TAOK1: variants seen among roughly 807,000 people sequenced by gnomAD.
TAOK1 encodes the protein TAO kinase 1, also known as serine/threonine-protein kinase TAO1.
In TAOK1, 21 loss-of-function variants were observed where a neutral mutation model predicts 138.3. The ratio of observed to expected loss-of-function variants is 0.15; its 90% CI spans 0.11 to 0.22. The LOEUF is 0.22. Among genes scored for constraint, TAOK1 ranks in the 10% least tolerant of loss-of-function variants. The pLI, the probability that TAOK1 is intolerant of heterozygous loss-of-function variation, is 1.00. For synonymous variants in TAOK1, 361 were observed against 398.4 expected (o/e 0.91, Z 1.12); for missense variants, 651 against 1,227.7 (o/e 0.53, Z 7.02).
At chr17:29,418,636 C>T (rs1468986730) in intron 1 of TAOK1, among the ~76,000 whole-genome samples, 1 of 152,182 alleles carries the variant, frequency 6.6e-6, no homozygotes, top group African/African-American at 2.4e-5. Flanking sequence ...CTACATACAT[C>T]TTCCTGTATA....
At position 29,399,056 on chromosome 17, in the gene TAOK1, G is replaced by T. The variant is rs569527277; in HGVS notation, c.-95+8032G>T. ...GACTGGAGTGCAGTGGCACGATCTC[G>T]GCTGCCTGCAGCCTTGACCTCCCAG... On this transcript the variant is annotated intron_variant, in intron 1 of 19. Transcript: ENST00000261716. 3.4e-5 allele frequency among the ~76,000 whole-genome samples: 5 copies of T among 147,122 alleles called. No homozygotes were observed. In the East Asian group the frequency reaches 6.1e-4, roughly 18 times the overall value.
In TAOK1 at chr17:29,390,819, C is replaced by T. The variant is rs980716052; in HGVS notation, c.-300C>T. On this transcript the variant is annotated 5_prime_UTR_variant, in exon 1 of 20. Transcript: ENST00000261716. ...GGCGCCTCCTCGACCCCGGTCGTCC[C>T]CTCGCCCCCCCCCCCACCCCCCGCC... 6.6e-6 allele frequency: 1 copy of T among 150,912 alleles called. No homozygotes were observed. The highest frequency in any genetic ancestry group is 1.5e-5 in the Non-Finnish European group (1 of 67,578). The allele number at this position is 150,912 out of a possible 1,614,324, so 9.3% of individuals were successfully genotyped here. A position where few individuals can be genotyped will look rare whatever the true frequency, so the allele number is the denominator to read the frequency against.
intron 3 of TAOK1, among the ~76,000 whole-genome samples, chr17:29,471,403 G>A (rs1367610725): frequency 6.9e-6 from 1 of 144,348 alleles, no homozygotes. Flanking sequence ...CTTGCCTCCC[G>A]AGTAGCTGGG....
chr17:29,482,392 T>C (rs2031082356), intron 8 of TAOK1, 104 bp downstream of exon 8: 1 of 903,602 alleles, frequency 1.1e-6, no homozygotes, highest in African/African-American at 1.7e-5. Context: ...TAAATGTCAC[T>C]TTATAAGGGG....
At chr17:29,452,408 C>T (rs1428444134) in intron 2 of TAOK1, among the ~76,000 whole-genome samples, 1 of 152,032 alleles carries the variant, frequency 6.6e-6, no homozygotes, top group African/African-American at 2.4e-5. Context: ...TGTAAAGTCC[C>T]ATTCAGAGTC....
At chr17:29,398,449 G>A (rs961525836) in intron 1 of TAOK1, among the ~76,000 whole-genome samples, 4 of 151,314 alleles carry the variant, frequency 2.6e-5, no homozygotes, top group Non-Finnish European at 4.4e-5. Context: ...TCAGGTGATC[G>A]CCTGCCTTGG....
intron 19 of TAOK1, among the ~76,000 whole-genome samples, chr17:29,536,046 A>C (rs2032215760): frequency 6.6e-6 from 1 of 151,810 alleles, no homozygotes; most frequent in Non-Finnish European, 1.5e-5. Context: ...TAATCCCAGC[A>C]CTTTGGGAGG....
At chr17:29,518,053 G>A (rs1465925660) in intron 16 of TAOK1, among the ~76,000 whole-genome samples, 4 of 151,994 alleles carry the variant, frequency 2.6e-5, no homozygotes, top group African/African-American at 4.8e-5. Flanking sequence ...ATGGGCTTTC[G>A]CCATGTTGGC....
At chr17:29,442,078 G>T (rs1170568925) in intron 1 of TAOK1, among the ~76,000 whole-genome samples, 1 of 150,984 alleles carries the variant, frequency 6.6e-6, no homozygotes, top group Non-Finnish European at 1.5e-5. Flanking sequence ...TTTGAGACAG[G>T]GTCATCCAGG....
chr17:29,504,680 A>G (rs1028744246), intron 13 of TAOK1, among the ~76,000 whole-genome samples: 1 of 152,180 alleles, frequency 6.6e-6, no homozygotes, highest in South Asian at 2.1e-4. Flanking sequence ...AAAAACTAAA[A>G]AATAAAAAAA....
At chr17:29,530,032 AAAAAAG>A (rs748890407) in intron 17 of TAOK1, among the ~76,000 whole-genome samples, 45 of 152,220 alleles carry the variant, frequency 3.0e-4, no homozygotes, top group Admixed American at 4.6e-4. Context: ...ATCTCAAAAA[AAAAAAG>A]AAAAAGAAAA....
At chr17:29,502,228 A>G (rs2559625) in intron 12 of TAOK1, among the ~76,000 whole-genome samples, 68,963 of 152,142 alleles carry the variant, frequency 0.45, 16,207 homozygotes, top group African/African-American at 0.48. Context: ...GAGCCCAGGA[A>G]TTCTAGACCA....
chr17:29,476,388 G>C (rs560718208), intron 4 of TAOK1, among the ~76,000 whole-genome samples: 62 of 152,278 alleles, frequency 4.1e-4, no homozygotes, highest in African/African-American at 1.5e-3. Context: ...GGTAGTGGTA[G>C]TGGTGACTTG....
At chr17:29,513,200 T>C (rs2031756009) in intron 15 of TAOK1, 1 of 152,122 alleles carries the variant, frequency 6.6e-6, no homozygotes, top group Admixed American at 6.6e-5. Context: ...ATTTGCCTTA[T>C]AATCAGATAT....
At chr17:29,487,237 CTG>C (rs1446504879) in intron 8 of TAOK1, among the ~76,000 whole-genome samples, 3 of 106,216 alleles carry the variant, frequency 2.8e-5, no homozygotes, top group Non-Finnish European at 5.1e-5. Context: ...CAGAGCGAGA[CTG>C]TGTCTCCAAA....
intron 2 of TAOK1, among the ~76,000 whole-genome samples, chr17:29,464,142 A>G (rs2030597916): frequency 6.6e-6 from 1 of 152,098 alleles, no homozygotes; most frequent in African/African-American, 2.4e-5. Flanking sequence ...ACTGATAGCT[A>G]AAGAGTTTAT....
At chr17:29,505,442 C>T (rs1446406170) in intron 13 of TAOK1, among the ~76,000 whole-genome samples, 3 of 152,154 alleles carry the variant, frequency 2.0e-5, no homozygotes, top group Non-Finnish European at 2.9e-5. Context: ...TGGCTCACAG[C>T]TCTAATCCCA....
In TAOK1 at chr17:29,547,998, A is replaced by G. The variant is rs572929029; in HGVS notation, c.*4976A>G. On this transcript the variant is annotated 3_prime_UTR_variant, in exon 20 of 20. Transcript: ENST00000261716. Reference sequence around the variant, plus strand: ...GCATTGGAAATGACTATTAATTTGTAAAGAAGTAAGTTTTATTAAACACTG... The same window carrying G: ...GCATTGGAAATGACTATTAATTTGTGAAGAAGTAAGTTTTATTAAACACTG... 3 of 152,304 alleles carry G rather than the reference A, an allele frequency of 2.0e-5. No individual in the cohort carries two copies. The South Asian group carries it at 6.2e-4, about 32-fold the overall frequency. 9.4% of individuals were successfully genotyped at this position (152,304 alleles called of 1,614,324 possible). A position where few individuals can be genotyped will look rare whatever the true frequency, so the allele number is the denominator to read the frequency against.
At chr17:29,541,405 C>T (rs922688123) in intron 19 of TAOK1, among the ~76,000 whole-genome samples, 8 of 151,856 alleles carry the variant, frequency 5.3e-5, no homozygotes, top group Admixed American at 3.3e-4. Flanking sequence ...CCACCGCGCC[C>T]GGCCTAGATA....
Sources: allele counts gnomAD v4.1 joint callset (sites outside exome capture counted in the v4.1 genomes callset), GRCh38; gene constraint gnomAD v4.1.1; transcripts MANE v1.5; gene names NCBI Gene and HGNC (gene_info 2026-07-23, HGNC 2026-07-21).